Variants in PCCA observed in about 807,000 individuals in gnomAD.
The protein encoded by PCCA is propionyl-CoA carboxylase subunit alpha.
PCCA carries 74 observed loss-of-function variants against 101.3 expected under a neutral mutation model. That is an observed-to-expected ratio of 0.73 (90% CI 0.61 to 0.89). The LOEUF is 0.89. Among genes scored for constraint, PCCA ranks in the 40% least tolerant of loss-of-function variants. PCCA has a pLI of 0.00. For synonymous variants in PCCA, 294 were observed against 313.6 expected, an observed-to-expected ratio of 0.94 and a Z score of 0.66; for missense variants, 891 against 907.0, an observed-to-expected ratio of 0.98 and a Z score of 0.23.
intron 16 of PCCA, among the ~76,000 whole-genome samples, chr13:100,328,689 A>ATTTTTTT (rs757599001): frequency 1.0e-4 from 10 of 98,216 alleles, no homozygotes; most frequent in Non-Finnish European, 1.8e-4. Context: ...GTTGAGGTTA[A>ATTTTTTT]TTTTTTTTTT....
intron 4 of PCCA, chr13:100,151,124 C>T (rs530589411): frequency 1.5e-5 from 17 of 1,111,982 alleles, no homozygotes; most frequent in East Asian, 4.7e-5. Flanking sequence ...TGCTGCCAGA[C>T]GGAAGAAAAG....
intron 21 of PCCA, among the ~76,000 whole-genome samples, chr13:100,455,569 TG>T (rs2081645711): frequency 6.6e-6 from 1 of 152,196 alleles, no homozygotes; most frequent in African/African-American, 2.4e-5. Context: ...CAGGATGCTG[TG>T]GTGTTGATAA....
chr13:100,264,959 G>A (rs1215476834), intron 10 of PCCA, among the ~76,000 whole-genome samples: 2 of 152,164 alleles, frequency 1.3e-5, no homozygotes, highest in African/African-American at 2.4e-5. Context: ...CTGTTTATAA[G>A]TTTATTGACC....
chr13:100,376,942 C>T (rs932980509), intron 19 of PCCA, among the ~76,000 whole-genome samples: 1 of 152,190 alleles, frequency 6.6e-6, no homozygotes, highest in Non-Finnish European at 1.5e-5. Flanking sequence ...GTGTAGGCTT[C>T]CAAGGGAATC....
chr13:100,518,771 A>G (rs934955875), intron 22 of PCCA, among the ~76,000 whole-genome samples: 2 of 152,224 alleles, frequency 1.3e-5, no homozygotes, highest in Non-Finnish European at 2.9e-5. Flanking sequence ...TTTCTGCAGT[A>G]ACTCATTTCA....
intron 20 of PCCA, among the ~76,000 whole-genome samples, chr13:100,437,392 A>C (rs1595896093): frequency 6.6e-6 from 1 of 152,036 alleles, no homozygotes; most frequent in Admixed American, 6.6e-5. Context: ...GGGCATAAAC[A>C]TTGAGAACTC....
chr13:100,100,890 G>A (rs1172677996), intron 1 of PCCA, among the ~76,000 whole-genome samples: 1 of 151,396 alleles, frequency 6.6e-6, no homozygotes, highest in Non-Finnish European at 1.5e-5. Context: ...TGCAACCTCC[G>A]CCTCCCGGGT....
intron 21 of PCCA, among the ~76,000 whole-genome samples, chr13:100,503,695 G>T (rs1174212900): frequency 2.0e-5 from 3 of 152,200 alleles, no homozygotes; most frequent in Admixed American, 2.0e-4. Flanking sequence ...CTTGAGCCTA[G>T]TAGTTCGAGA....
chr13:100,522,341 T>C (rs2087368561), intron 22 of PCCA, among the ~76,000 whole-genome samples: 1 of 152,218 alleles, frequency 6.6e-6, no homozygotes, highest in East Asian at 1.9e-4. Flanking sequence ...TCTCTGGTAA[T>C]GTACTAGCAG....
intron 8 of PCCA, among the ~76,000 whole-genome samples, chr13:100,247,232 T>G (rs1479575372): frequency 6.7e-6 from 1 of 148,700 alleles, no homozygotes; most frequent in Non-Finnish European, 1.5e-5. Context: ...TTTTTTTTTT[T>G]TTTGAGACAG....
At chr13:100,481,854 G>A (rs921589907) in intron 21 of PCCA, among the ~76,000 whole-genome samples, 1 of 152,146 alleles carries the variant, frequency 6.6e-6, no homozygotes, top group Admixed American at 6.5e-5. Flanking sequence ...CTAAAACCTT[G>A]GATAAGGGGG....
chr13:100,276,213 C>CA (rs59671834), intron 12 of PCCA, among the ~76,000 whole-genome samples: 5,441 of 101,170 alleles, frequency 0.054, 455 homozygotes, highest in African/African-American at 0.12. Context: ...TTGTCTGTAC[C>CA]AAAAAAAAAA....
chr13:100,162,806 C>A (rs2054624983), intron 6 of PCCA, among the ~76,000 whole-genome samples: 1 of 152,024 alleles, frequency 6.6e-6, no homozygotes, highest in Non-Finnish European at 1.5e-5. Context: ...ATAAAGTCTC[C>A]CTGGATTTGG....
At position 100,132,372 on chromosome 13, in the gene PCCA, T is replaced by C. The variant is rs1050800410; in HGVS notation, c.300+20311T>C. On this transcript the variant is annotated intron_variant, in intron 4 of 23. Coordinates refer to ENST00000376285, the MANE Select transcript of PCCA (RefSeq NM_000282.4). ...CCACCCTGACACTGGCAACCACGGA[T>C]GTGTTTCCCATCACTATAGCATTGT... is the stretch of plus-strand genomic sequence containing the variant. Among the ~76,000 whole-genome samples the C allele has an allele frequency of 2.0e-5, 3 of 152,210 alleles. No individual in the cohort carries two copies. In the East Asian group the frequency reaches 5.8e-4, roughly 29 times the overall value.
chr13:100,509,274 G>C lies in PCCA; in HGVS notation c.1900-6153G>C, dbSNP rs144250274. The stretch of plus-strand genomic sequence containing the variant: ...GCGTTTGTTCTCTGCGTAAAATGTT[G>C]TAACAGTGCTAATTACTAAGCAGCT... On this transcript the variant is annotated intron_variant, in intron 21 of 23. Transcript: ENST00000376285. Among the ~76,000 whole-genome samples the C allele has an allele frequency of 1.7e-4, 26 of 152,300 alleles. No individual in the cohort carries two copies. In the East Asian group the frequency reaches 3.9e-3, roughly 23 times the overall value.
intron 6 of PCCA, among the ~76,000 whole-genome samples, chr13:100,198,941 A>G (rs1319052691): frequency 6.7e-6 from 1 of 150,296 alleles, no homozygotes; most frequent in Non-Finnish European, 1.5e-5. Flanking sequence ...TTTTAAGCCT[A>G]AAGTCCCTGG....
chr13:100,397,260 A>G lies in PCCA; in HGVS notation c.1747-28373A>G, dbSNP rs183835220. On this transcript the variant is annotated intron_variant, in intron 19 of 23. Coordinates refer to ENST00000376285, the MANE Select transcript of PCCA (RefSeq NM_000282.4). ...TGTCATCAAATCAGCCTAGGTTTGGATGTGCTGTTTTGCTAGCTGTAGACC... is the reference window on the plus strand; with the variant it reads ...TGTCATCAAATCAGCCTAGGTTTGGGTGTGCTGTTTTGCTAGCTGTAGACC... Among the ~76,000 whole-genome samples the G allele has an allele frequency of 2.9e-3, 447 of 152,206 alleles. 1 individual carries two copies. The highest frequency in any genetic ancestry group is 0.01 in the African/African-American group (416 of 41,518).
At chr13:100,278,012 C>T (rs899108775) in intron 12 of PCCA, among the ~76,000 whole-genome samples, 6 of 152,040 alleles carry the variant, frequency 3.9e-5, no homozygotes, top group Admixed American at 6.5e-5. Context: ...TAGGTAGTAG[C>T]TCAGTAGTTG....
chr13:100,280,398 C>A (rs1311841762), intron 12 of PCCA, among the ~76,000 whole-genome samples: 1 of 151,218 alleles, frequency 6.6e-6, no homozygotes, highest in Non-Finnish European at 1.5e-5. Context: ...CTTTCTTTTT[C>A]CTGAAGGTGC....
Sources: gnomAD v4.1 joint callset for allele counts (sites outside exome capture counted in the v4.1 genomes callset) on GRCh38, gnomAD v4.1.1 for gene constraint, MANE v1.5 for transcripts, NCBI Gene and HGNC (gene_info 2026-07-23, HGNC 2026-07-21) for gene names.